The following PAQR8 variants were observed in gnomAD, a reference collection of about 807,000 sequenced individuals.
The protein encoded by PAQR8 is membrane progestin receptor beta.
A neutral mutation model predicts 25.2 loss-of-function variants in PAQR8; 17 were observed. The observed-to-expected ratio is 0.67, with a 90% CI of 0.46 to 1.01. The LOEUF (loss-of-function observed/expected upper bound fraction) is 1.01. PAQR8 is among the 50% of genes least tolerant of loss of function. The pLI is 0.00. For synonymous variants in PAQR8, 204 were observed against 190.6 expected (o/e 1.07, Z -0.58); for missense variants, 392 against 448.4 (o/e 0.87, Z 1.14).
chr6:52,405,281 G>A lies in PAQR8; in HGVS notation c.*1003G>A, dbSNP rs1581800495. 1 of 167,084 alleles carries A rather than the reference G, an allele frequency of 6.0e-6. No homozygotes were observed. Among genetic ancestry groups the A allele is most frequent in the South Asian group, 2.1e-4 (1 of 4,824 alleles). 10.4% of individuals were successfully genotyped at this position (167,084 alleles called of 1,614,324 possible). ...CTCATTATTTCAAGAGGAACCCAAA[G>A]TCCAGCCTCCTACATAGATGCTGCC... On this transcript the variant is annotated 3_prime_UTR_variant, in exon 2 of 2. Transcript: ENST00000442253.
chr6:52,392,247 G>A (rs1291050541), intron 1 of PAQR8, among the ~76,000 whole-genome samples: 2 of 152,040 alleles, frequency 1.3e-5, no homozygotes, highest in African/African-American at 4.8e-5. Context: ...GGGAGGCTGA[G>A]GCGGGAGAAT....
intron 1 of PAQR8, among the ~76,000 whole-genome samples, chr6:52,374,215 T>C (rs1411121190): frequency 1.3e-5 from 2 of 152,214 alleles, no homozygotes; most frequent in African/African-American, 2.4e-5. Flanking sequence ...AATTACCCAG[T>C]GTCCAGTATT....
At chr6:52,391,937 C>T (rs1407768814) in intron 1 of PAQR8, among the ~76,000 whole-genome samples, 1 of 152,166 alleles carries the variant, frequency 6.6e-6, no homozygotes, top group Non-Finnish European at 1.5e-5. Flanking sequence ...TTGGTGATTC[C>T]AGCATGCTGC....
chr6:52,383,674 A>AAAC (rs1763593418), intron 1 of PAQR8, among the ~76,000 whole-genome samples: 1 of 151,818 alleles, frequency 6.6e-6, no homozygotes. Flanking sequence ...AAAAAAAAAA[A>AAAC]AAACCAGGAA....
At chr6:52,389,486 C>T (rs972877776) in intron 1 of PAQR8, among the ~76,000 whole-genome samples, 3 of 151,948 alleles carry the variant, frequency 2.0e-5, no homozygotes, top group Admixed American at 2.0e-4. Context: ...GTTCTCCTTA[C>T]CAAAATATGT....
chr6:52,382,733 A>T (rs1223923502), intron 1 of PAQR8, among the ~76,000 whole-genome samples: 2 of 152,132 alleles, frequency 1.3e-5, no homozygotes, highest in Non-Finnish European at 2.9e-5. Flanking sequence ...CCCACAATGC[A>T]TAGAGACTGC....
intron 1 of PAQR8, among the ~76,000 whole-genome samples, chr6:52,401,446 C>T (rs578078): frequency 0.91 from 138,324 of 152,284 alleles, 63,317 homozygotes; most frequent in African/African-American, 0.98. Flanking sequence ...GCAGCAGTTT[C>T]ATGAAATATT....
intron 1 of PAQR8, among the ~76,000 whole-genome samples, chr6:52,374,319 C>T (rs1030242113): frequency 6.6e-6 from 1 of 152,198 alleles, no homozygotes; most frequent in African/African-American, 2.4e-5. Flanking sequence ...CATTGACTTT[C>T]CTGCTTAATA....
Position 52,391,335 on chromosome 6 carries a change from A to C in PAQR8, c.-52-11827A>C, listed in dbSNP as rs549831203. Among the ~76,000 whole-genome samples, 4 of 152,364 alleles carry C rather than the reference A, an allele frequency of 2.6e-5. No homozygotes were observed. In the East Asian group the frequency reaches 5.8e-4, roughly 22 times the overall value. ...TAAATGTAAATATGCTAGTTATTTT[A>C]ATAAGTGCATAGTATTCTATTTTAT... On this transcript the variant is annotated intron_variant, in intron 1 of 1. Coordinates refer to ENST00000442253, the MANE Select transcript of PAQR8 (RefSeq NM_133367.5).
In PAQR8 at chr6:52,407,762, T is replaced by C. The variant is rs1763930043; in HGVS notation, c.*3484T>C. On this transcript the variant is annotated 3_prime_UTR_variant, in exon 2 of 2. Coordinates refer to ENST00000442253, the MANE Select transcript of PAQR8 (RefSeq NM_133367.5). ...CTACTTATATGAATAACCATTAAAG[T>C]GATTTTGTATATGCATTGTTGTAGT... is the stretch of plus-strand genomic sequence containing the variant. The C allele has an allele frequency of 6.3e-6, 1 of 158,732 alleles. No individual in the cohort carries two copies. The highest frequency in any genetic ancestry group is 1.5e-5 in the Non-Finnish European group (1 of 67,978). 9.8% of individuals were successfully genotyped at this position (158,732 alleles called of 1,614,324 possible).
rs772314879 is a variant in PAQR8 at position 52,402,632 on chromosome 6, AAAAG to A, written c.-52-518_-52-515del. On this transcript the variant is annotated intron_variant, in intron 1 of 1. Transcript: ENST00000442253. ...AACTCTGTCTCAAAAAAAAAAAAAA[AAAAG>A]AAAGAAAGAAAAAAAAGAATATTGG... Among the ~76,000 whole-genome samples, 854 of 115,270 alleles carry A rather than the reference AAAAG, an allele frequency of 7.4e-3. 6 individuals are homozygous for A. Among genetic ancestry groups the A allele is most frequent in the African/African-American group, 0.017 (483 of 28,544 alleles). The allele number at this position is 115,270 out of a possible 152,430, so 75.6% of individuals were successfully genotyped here. A position where few individuals can be genotyped will look rare whatever the true frequency, so the allele number is the denominator to read the frequency against.
chr6:52,391,744 G>A (rs1763711897), intron 1 of PAQR8, among the ~76,000 whole-genome samples: 1 of 152,200 alleles, frequency 6.6e-6, no homozygotes, highest in Admixed American at 6.5e-5. Flanking sequence ...TTCCTTTGCA[G>A]CCATTTATAA....
rs567730072 is a variant in PAQR8, at chr6:52,403,223, G to A, written c.10G>A (p.Ala4Thr). 3 of 1,592,752 alleles carry A rather than the reference G, an allele frequency of 1.9e-6. No homozygotes were observed. The highest frequency in any genetic ancestry group is 2.3e-5 in the East Asian group (1 of 44,218). The change falls in exon 2 of 2, where the codon GCC becomes ACC. Residue 4 changes from alanine to threonine, a missense_variant. Coordinates refer to ENST00000442253, the MANE Select transcript of PAQR8 (RefSeq NM_133367.5). MTT[A>T]ILERLSTLSV... The stretch of plus-strand genomic sequence containing the variant: ...CATGCGGGCCGCTGCCATGACGACC[G>A]CCATCTTGGAGCGCCTGAGCACCCT...
At chr6:52,393,020 G>T (rs1005775327) in intron 1 of PAQR8, among the ~76,000 whole-genome samples, 3 of 152,224 alleles carry the variant, frequency 2.0e-5, no homozygotes, top group Non-Finnish European at 4.4e-5. Context: ...CATATTTGAA[G>T]TTGTATATCA....
chr6:52,363,832 A>G (rs147384228), intron 1 of PAQR8, among the ~76,000 whole-genome samples: 78 of 152,248 alleles, frequency 5.1e-4, no homozygotes, highest in Non-Finnish European at 8.7e-4. Context: ...TCAGTGGATG[A>G]GTATCCAAGT....
At chr6:52,385,081 T>C (rs570714024) in intron 1 of PAQR8, among the ~76,000 whole-genome samples, 2 of 152,318 alleles carry the variant, frequency 1.3e-5, no homozygotes, top group South Asian at 4.1e-4. Flanking sequence ...TCATCTTGAA[T>C]TGTAGCTCCT....
In PAQR8 at chr6:52,406,363, G is replaced by A; in HGVS notation, c.*2085G>A. The A allele has an allele frequency of 2.4e-6, 1 of 411,920 alleles. No individual in the cohort carries two copies. The highest frequency in any genetic ancestry group is 4.4e-6 in the Non-Finnish European group (1 of 225,432). The allele number at this position is 411,920 out of a possible 1,614,324, so 25.5% of individuals were successfully genotyped here. A position where few individuals can be genotyped will look rare whatever the true frequency, so the allele number is the denominator to read the frequency against. The stretch of plus-strand genomic sequence containing the variant: ...AATATAACTGGTGGTATTGTGGGCA[G>A]AGATCTTTAGTTCAAATCCACGTAT... On this transcript the variant is annotated 3_prime_UTR_variant, in exon 2 of 2. Coordinates refer to ENST00000442253, the MANE Select transcript of PAQR8 (RefSeq NM_133367.5).
chr6:52,406,193 C>T lies in PAQR8; in HGVS notation c.*1915C>T, dbSNP rs561751289. On this transcript the variant is annotated 3_prime_UTR_variant, in exon 2 of 2. Transcript: ENST00000442253. Reference sequence around the variant, plus strand: ...AGAGGATGGGGGAATTGTGCAAATACGTTGTTAGTAGAAGGTCAATTTAAA... The same window carrying T: ...AGAGGATGGGGGAATTGTGCAAATATGTTGTTAGTAGAAGGTCAATTTAAA... The T allele has an allele frequency of 9.0e-5, 24 of 266,340 alleles. No individual in the cohort carries two copies. Among genetic ancestry groups the T allele is most frequent in the Admixed American group, 3.8e-4 (7 of 18,186 alleles). 16.5% of individuals were successfully genotyped at this position (266,340 alleles called of 1,614,324 possible).
intron 1 of PAQR8, among the ~76,000 whole-genome samples, chr6:52,384,520 G>A (rs1000667949): frequency 7.2e-6 from 1 of 137,954 alleles, no homozygotes; most frequent in African/African-American, 2.6e-5. Context: ...TGAGAGACTA[G>A]AGGTTATGAG....
Sources: gnomAD v4.1 joint callset for allele counts (sites outside exome capture counted in the v4.1 genomes callset) on GRCh38, gnomAD v4.1.1 for gene constraint, MANE v1.5 for transcripts, NCBI Gene and HGNC (gene_info 2026-07-23, HGNC 2026-07-21) for gene names.